The following HSPA14 variants were observed in gnomAD, a reference collection of about 807,000 sequenced individuals.
HSPA14 encodes the protein heat shock protein family A (Hsp70) member 14, also known as heat shock 70 kDa protein 14.
A neutral mutation model predicts 65.5 loss-of-function variants in HSPA14; 37 were observed. The ratio of observed to expected loss-of-function variants is 0.56; its 90% CI spans 0.43 to 0.74. HSPA14 has a LOEUF of 0.74. Ranked by LOEUF, HSPA14 falls within the 30% of genes least tolerant of loss-of-function variation. HSPA14 has a pLI of 0.00. For synonymous variants in HSPA14, 203 were observed against 214.2 expected, an observed-to-expected ratio of 0.95 and a Z score of 0.46; for missense variants, 564 against 607.6, an observed-to-expected ratio of 0.93 and a Z score of 0.75.
In HSPA14 at chr10:14,867,872, G is replaced by T. The variant is rs780176240; in HGVS notation, c.1343G>T (p.Gly448Val). Residue 448 changes from glycine (G) to valine (V), a missense_variant, in exon 12 of 14, where the codon GGG becomes GTG. Transcript: ENST00000378372. ...TGCCTTGAACTCTATGAGTCTGATG[G>T]GAAGAACTCTGCCAAAGAGGAAACC... ...SVCLELYESD[G>V]KNSAKEETKF... The T allele has an allele frequency of 1.2e-6, 2 of 1,613,714 alleles. No individual in the cohort carries two copies. The highest frequency in any genetic ancestry group is 2.2e-5 in the South Asian group (2 of 91,014).
At chr10:14,858,907 G>C (rs1832729053) in intron 10 of HSPA14, among the ~76,000 whole-genome samples, 1 of 152,170 alleles carries the variant, frequency 6.6e-6, no homozygotes, top group African/African-American at 2.4e-5. Flanking sequence ...CCAGAACTCA[G>C]GCTGCCTGTC....
Position 14,871,622 on chromosome 10 carries a change from A to C in HSPA14, c.*16A>C. The C allele has an allele frequency of 1.4e-6, 2 of 1,407,598 alleles. No homozygotes were observed. Among genetic ancestry groups the C allele is most frequent in the South Asian group, 2.5e-5 (2 of 80,784 alleles). The allele number at this position is 1,407,598 out of a possible 1,614,324, so 87.2% of individuals were successfully genotyped here. ...AGCATCTTAGTGTTTTAGAGAAATC[A>C]AGAATTTTTAAAAACAAGAATATCA... On this transcript the variant is annotated 3_prime_UTR_variant, in exon 14 of 14. Coordinates refer to ENST00000378372, the MANE Select transcript of HSPA14 (RefSeq NM_016299.4).
chr10:14,844,091 A>G (rs910618072), intron 3 of HSPA14: 5 of 1,409,756 alleles, frequency 3.5e-6, no homozygotes, highest in Non-Finnish European at 4.6e-6. Context: ...CAGAAATGCC[A>G]GGGGTGACCT....
chr10:14,840,189 TA>T, intron 3 of HSPA14, 32 bp downstream of exon 3: 1 of 1,044,926 alleles, frequency 9.6e-7, no homozygotes, highest in Non-Finnish European at 1.3e-6. Flanking sequence ...TTAAATATGG[TA>T]ATAGGAACAT....
intron 10 of HSPA14, among the ~76,000 whole-genome samples, chr10:14,859,757 A>C (rs1167703792): frequency 3.9e-5 from 6 of 152,236 alleles, no homozygotes; most frequent in Non-Finnish European, 8.8e-5. Flanking sequence ...CTAGATTTTA[A>C]GACTTTTAGT....
chr10:14,841,678 CA>C (rs1009312000), intron 3 of HSPA14, among the ~76,000 whole-genome samples: 3 of 149,750 alleles, frequency 2.0e-5, no homozygotes, highest in Non-Finnish European at 3.0e-5. Context: ...CCATATTGTG[CA>C]AAAAAAAAAT....
intron 13 of HSPA14, 99 bp downstream of exon 13, chr10:14,870,766 CATT>C: frequency 9.0e-7 from 1 of 1,117,020 alleles, no homozygotes; most frequent in South Asian, 1.8e-5. Context: ...CTAGAAGAAA[CATT>C]AAAAACCTAC....
intron 3 of HSPA14, chr10:14,847,091 C>T: frequency 1.1e-6 from 1 of 932,290 alleles, no homozygotes; most frequent in Non-Finnish European, 1.3e-6. Context: ...AAGGGTCTTG[C>T]ATGTCTGCAG....
At chr10:14,871,378 T>G in intron 13 of HSPA14, 150 bp from the exon 14 acceptor site, 1 of 569,346 alleles carries the variant, frequency 1.8e-6, no homozygotes, top group Non-Finnish European at 3.1e-6. Flanking sequence ...TTAGAGACAC[T>G]GAGATTGTGT....
At position 14,851,270 on chromosome 10, in the gene HSPA14, G is replaced by A. The variant is rs531326507; in HGVS notation, c.519G>A (p.Pro173=). 2.0e-5 allele frequency: 32 copies of A among 1,612,522 alleles called. No homozygotes were observed. The highest frequency in any genetic ancestry group is 3.3e-5 in the Admixed American group (2 of 59,888). The change falls in exon 7 of 14, where the codon CCG becomes CCA. Residue 173 remains proline, a synonymous_variant. Transcript: ENST00000378372. ...GFNVLRLIHE[P]SAALLAYGIG... ...ATGTTTTGCGATTAATTCACGAACC[G>A]TCTGCAGCTCTTCTTGCTTATGGAA...
chr10:14,867,252 A>T lies in HSPA14; in HGVS notation c.1163A>T (p.Asp388Val), dbSNP rs1172961831. The T allele has an allele frequency of 6.2e-7, 1 of 1,613,694 alleles. No homozygotes were observed. The highest frequency in any genetic ancestry group is 8.5e-7 in the Non-Finnish European group (1 of 1,179,778). ...GGGAAAGAAAACCTGTTGGTGGAAG[A>T]CTCTCTTATGATAGAGTGTTCAGCC... ...LIGKENLLVE[D>V]SLMIECSARD... Residue 388 changes from aspartate (D) to valine (V), a missense_variant, in exon 11 of 14, where the codon GAC becomes GTC. Coordinates refer to ENST00000378372, the MANE Select transcript of HSPA14 (RefSeq NM_016299.4).
At chr10:14,849,922 G>C (rs943493576) in intron 6 of HSPA14, 111 bp downstream of exon 6, 1 of 650,548 alleles carries the variant, frequency 1.5e-6, no homozygotes, top group East Asian at 2.8e-5. Context: ...AATTGTATTT[G>C]TAAATAATTT....
chr10:14,852,393 G>A lies in HSPA14; in HGVS notation c.596G>A (p.Gly199Glu), dbSNP rs1395075979. 1 of 1,613,204 alleles carries A rather than the reference G, an allele frequency of 6.2e-7. No homozygotes were observed. Among genetic ancestry groups the A allele is most frequent in the Non-Finnish European group, 8.5e-7 (1 of 1,179,662 alleles). Residue 199 changes from glycine to glutamate, a missense_variant, in exon 8 of 14, where the codon GGA (glycine) becomes GAA (glutamate). Transcript: ENST00000378372. ...GKSNILVFKL[G>E]GTSLSLSVME... ...AGCAATATTTTGGTGTTTAAGCTTGGAGGAACATCCTTATCTCTCAGCGTC... is the reference window on the plus strand; with the variant it reads ...AGCAATATTTTGGTGTTTAAGCTTGAAGGAACATCCTTATCTCTCAGCGTC...
At chr10:14,867,542 T>TATAATATATA (rs879658220) in intron 11 of HSPA14, among the ~76,000 whole-genome samples, 194 bp from the exon 12 acceptor site, 32 of 152,332 alleles carry the variant, frequency 2.1e-4, no homozygotes, top group Non-Finnish European at 3.8e-4. Flanking sequence ...ATATTAATCA[T>TATAATATATA]AAGCTAATAT....
At chr10:14,846,938 C>T (rs1357039438) in intron 3 of HSPA14, 1 of 985,170 alleles carries the variant, frequency 1.0e-6, no homozygotes, top group African/African-American at 1.7e-5. Context: ...CAACTTCTCA[C>T]CACCTTTGTT....
rs535641679 is a variant in HSPA14, at chr10:14,858,204, T to A, written c.993+2261T>A. On this transcript the variant is annotated intron_variant, in intron 10 of 13. Transcript: ENST00000378372. Reference sequence around the variant, plus strand: ...GTTGCTACAAGGGTTAAATGAAATGTCTGTGGCACAGCCTGTTGCATATCG... The same window carrying A: ...GTTGCTACAAGGGTTAAATGAAATGACTGTGGCACAGCCTGTTGCATATCG... Among the ~76,000 whole-genome samples, 67 of 152,356 alleles carry A rather than the reference T, an allele frequency of 4.4e-4. 1 individual carries two copies. In the Middle Eastern group the frequency reaches 0.014, roughly 31 times the overall value.
At chr10:14,843,335 A>G in intron 3 of HSPA14, 1 of 1,549,984 alleles carries the variant, frequency 6.5e-7, no homozygotes, top group Non-Finnish European at 8.7e-7. Flanking sequence ...CTTAGCAGGA[A>G]TGTTCTCTTT....
chr10:14,838,391 C>T lies in HSPA14; in HGVS notation c.-12C>T, dbSNP rs1158053280. 2 of 1,600,582 alleles carry T rather than the reference C, an allele frequency of 1.2e-6. No individual in the cohort carries two copies. Among genetic ancestry groups the T allele is most frequent in the Non-Finnish European group, 1.7e-6 (2 of 1,175,944 alleles). ...ACCCCCTCATTCCTGCCGCTGCCGT[C>T]CCTGCTGCCTCATGGCGGCCATCGG... On this transcript the variant is annotated 5_prime_UTR_variant, in exon 1 of 14. Transcript: ENST00000378372.
intron 1 of HSPA14, among the ~76,000 whole-genome samples, chr10:14,838,786 G>T (rs1419781009): frequency 6.6e-6 from 1 of 152,088 alleles, no homozygotes; most frequent in Non-Finnish European, 1.5e-5. Context: ...CAGCGGGGCC[G>T]CTGGGTGTCC....
Sources: gnomAD v4.1 joint callset for allele counts (sites outside exome capture counted in the v4.1 genomes callset) on GRCh38, gnomAD v4.1.1 for gene constraint, MANE v1.5 for transcripts, NCBI Gene and HGNC (gene_info 2026-07-23, HGNC 2026-07-21) for gene names.